PLA2G6: variants seen among roughly 807,000 people sequenced by gnomAD.
PLA2G6 encodes 85/88 kDa calcium-independent phospholipase A2.
A neutral mutation model predicts 83.8 loss-of-function variants in PLA2G6; 62 were observed. That is an observed-to-expected ratio of 0.74 (90% CI 0.60 to 0.91). PLA2G6 has a LOEUF of 0.91. Among genes scored for constraint, PLA2G6 ranks in the 40% least tolerant of loss-of-function variants. PLA2G6 has a pLI of 0.00. For synonymous variants in PLA2G6, 417 were observed against 449.8 expected (o/e 0.93, Z 0.92); for missense variants, 944 against 1,102.0 (o/e 0.86, Z 2.03).
At chr22:38,169,601 G>A (rs192955375) in intron 1 of PLA2G6, 130 bp from the exon 2 acceptor site, 2 of 653,062 alleles carry the variant, frequency 3.1e-6, no homozygotes, top group Non-Finnish European at 5.5e-6. Flanking sequence ...TGGGCCTGGA[G>A]GGATCTTAAA....
intron 2 of PLA2G6, 51 bp downstream of exon 2, chr22:38,169,167 G>A: frequency 7.1e-7 from 1 of 1,405,760 alleles, no homozygotes; most frequent in Non-Finnish European, 1.0e-6. Context: ...TCCAATCCGA[G>A]ACGTGGGGGA....
In PLA2G6 at chr22:38,139,321, AAG is replaced by A. The variant is rs2088742803; in HGVS notation, c.797+659_797+660del. Reference sequence around the variant, plus strand: ...GAGCACCACCTGGAGGGGAGCTGGAAAGAGGAGACCCCAAAGAGGGCTAAGAT... The same window carrying A: ...GAGCACCACCTGGAGGGGAGCTGGAAAGGAGACCCCAAAGAGGGCTAAGAT... On this transcript the variant is annotated intron_variant, in intron 5 of 16. Transcript: ENST00000332509. 3.3e-5 allele frequency: 5 copies of A among 152,348 alleles called. No homozygotes were observed. The South Asian group carries it at 1.0e-3, about 32-fold the overall frequency. The allele number at this position is 152,348 out of a possible 1,614,324, so 9.4% of individuals were successfully genotyped here. A position where few individuals can be genotyped will look rare whatever the true frequency, so the allele number is the denominator to read the frequency against.
chr22:38,116,394 T>G (rs1184926658), intron 12 of PLA2G6, 183 bp from the exon 13 acceptor site: 1 of 765,814 alleles, frequency 1.3e-6, no homozygotes, highest in East Asian at 2.7e-5. Flanking sequence ...GCTGGAGGAG[T>G]GTCAGATTGG....
intron 1 of PLA2G6, among the ~76,000 whole-genome samples, chr22:38,177,598 G>A (rs1384791068): frequency 1.3e-5 from 2 of 151,810 alleles, no homozygotes; most frequent in Non-Finnish European, 2.9e-5. Context: ...GACTAGCTGG[G>A]ATTACAGGCG....
chr22:38,113,209 G>A (rs963029456), intron 15 of PLA2G6, among the ~76,000 whole-genome samples: 1 of 152,148 alleles, frequency 6.6e-6, no homozygotes, highest in African/African-American at 2.4e-5. Flanking sequence ...CCGCTCTGGA[G>A]CCTTTGTCCA....
chr22:38,170,900 G>A (rs144737600), intron 1 of PLA2G6, among the ~76,000 whole-genome samples: 5 of 152,342 alleles, frequency 3.3e-5, no homozygotes, highest in African/African-American at 9.6e-5. Context: ...ACAAGGCACG[G>A]TGGTTCACGC....
Position 38,116,224 on chromosome 22 carries a change from G to A in PLA2G6, c.1743-13C>T. ...TGTCAGCATCACCCTGGAGAGAAAT[G>A]AGGCAGGAGGACGGCTGAGCCACCC... is the stretch of plus-strand genomic sequence containing the variant. On this transcript the variant is annotated splice_polypyrimidine_tract_variant and intron_variant, in intron 12 of 16. Coordinates refer to ENST00000332509, the MANE Select transcript of PLA2G6 (RefSeq NM_003560.4). 1 of 1,613,882 alleles carries A rather than the reference G, an allele frequency of 6.2e-7. No individual in the cohort carries two copies. Among genetic ancestry groups the A allele is most frequent in the Non-Finnish European group, 8.5e-7 (1 of 1,179,922 alleles).
At position 38,128,815 on chromosome 22, in the gene PLA2G6, A is replaced by C. The variant is rs916991927; in HGVS notation, c.1187-385T>G. Among the ~76,000 whole-genome samples, 3 of 152,178 alleles carry C rather than the reference A, an allele frequency of 2.0e-5. No individual in the cohort carries two copies. Among genetic ancestry groups the C allele is most frequent in the Non-Finnish European group, 4.4e-5 (3 of 68,030 alleles). On this transcript the variant is annotated intron_variant, in intron 8 of 16. Transcript: ENST00000332509. This position sits in a 1 kb window ranked among gnomAD's most constrained non-coding sequence, Gnocchi z 4.4. ...CTAATGAGCCAGCCAGGGGGCACCT[A>C]CTCCATTTGATGGATGGGATTGCTG...
intron 2 of PLA2G6, among the ~76,000 whole-genome samples, chr22:38,152,992 G>A (rs533743660): frequency 3.5e-4 from 53 of 152,332 alleles, no homozygotes; most frequent in African/African-American, 1.3e-3. Context: ...AAGCACATAG[G>A]TGTTGCCCAG....
intron 1 of PLA2G6, among the ~76,000 whole-genome samples, chr22:38,170,837 C>T (rs1301454105): frequency 6.6e-6 from 1 of 152,028 alleles, no homozygotes; most frequent in East Asian, 1.9e-4. Flanking sequence ...AAGCAAGGGG[C>T]CCACTAAGAG....
In PLA2G6 at chr22:38,111,728, C is replaced by T. The variant is rs768637948; in HGVS notation, c.*433G>A. On this transcript the variant is annotated 3_prime_UTR_variant, in exon 17 of 17. Transcript: ENST00000332509. ...TTCTTTAGTCCCAGCCCCCAGGGAACGGAGCAGAGGGCAGAGGGAGTGGGC... is the reference window on the plus strand; with the variant it reads ...TTCTTTAGTCCCAGCCCCCAGGGAATGGAGCAGAGGGCAGAGGGAGTGGGC... 3.8e-5 allele frequency: 10 copies of T among 262,196 alleles called. No individual in the cohort carries two copies. The highest frequency in any genetic ancestry group is 8.9e-5 in the African/African-American group (4 of 44,918). The allele number at this position is 262,196 out of a possible 1,614,324, so 16.2% of individuals were successfully genotyped here. A position where few individuals can be genotyped will look rare whatever the true frequency, so the allele number is the denominator to read the frequency against.
rs945164394 is a variant in PLA2G6, at chr22:38,119,774, A to G, written c.1742+985T>C. On this transcript the variant is annotated intron_variant, in intron 12 of 16. Transcript: ENST00000332509. ...GCTGCAGTAAGCCGTGTTCACAGCA[A>G]TATACTCCAGCATGGGCCCCACAGC... 7.9e-5 allele frequency among the ~76,000 whole-genome samples: 12 copies of G among 152,258 alleles called. No individual in the cohort carries two copies. The East Asian group carries it at 1.7e-3, about 22-fold the overall frequency.
intron 4 of PLA2G6, 144 bp from the exon 5 acceptor site, chr22:38,140,313 G>A: frequency 1.4e-6 from 1 of 713,942 alleles, no homozygotes; most frequent in South Asian, 1.5e-5. Flanking sequence ...TTTGAGACCA[G>A]CCTGGCCAAC....
At position 38,169,240 on chromosome 22, in the gene PLA2G6, TG is replaced by T; in HGVS notation, c.186del (p.Arg63GlyfsTer19). ...NRTWDCVLVNPRNSQSGFRLF... is the reference protein window; with the variant it reads ...NRTWDCVLVNXRNSQSGFRLF... Reference sequence around the variant, plus strand: ...CACCGGAATCCACTCTGTGAGTTCCTGGGGTTGACCAGGACGCAGTCCCAGG... The same window carrying T: ...CACCGGAATCCACTCTGTGAGTTCCTGGGTTGACCAGGACGCAGTCCCAGG... On this transcript the variant is annotated frameshift_variant, in exon 2 of 17. Transcript: ENST00000332509. LOFTEE classifies it high-confidence loss of function. The T allele has an allele frequency of 6.2e-7, 1 of 1,614,052 alleles. No individual in the cohort carries two copies. The highest frequency in any genetic ancestry group is 8.5e-7 in the Non-Finnish European group (1 of 1,179,934).
chr22:38,171,333 G>A (rs132999), intron 1 of PLA2G6, among the ~76,000 whole-genome samples: 16,910 of 152,014 alleles, frequency 0.11, 1,105 homozygotes, highest in African/African-American at 0.16. Flanking sequence ...CTTGGTTCTC[G>A]TGGTTCTCAG....
At position 38,112,153 on chromosome 22, in the gene PLA2G6, G is replaced by A; in HGVS notation, c.*8C>T. 1 of 1,575,594 alleles carries A rather than the reference G, an allele frequency of 6.3e-7. No individual in the cohort carries two copies. On this transcript the variant is annotated 3_prime_UTR_variant, in exon 17 of 17. Coordinates refer to ENST00000332509, the MANE Select transcript of PLA2G6 (RefSeq NM_003560.4). ...GGTCAGCTGGGGCCGGTGAGAGGCT[G>A]GGGACCCTCAGGGTGAGAGCAGCAG...
At chr22:38,181,192 T>G (rs1318375981) in intron 1 of PLA2G6, among the ~76,000 whole-genome samples, 2 of 151,580 alleles carry the variant, frequency 1.3e-5, no homozygotes, top group African/African-American at 4.9e-5. Flanking sequence ...TGGGAGACTC[T>G]GGGGTGGCCA....
At chr22:38,129,594 A>G (rs774582699) in intron 7 of PLA2G6, 32 bp from the exon 8 acceptor site, 1 of 1,540,946 alleles carries the variant, frequency 6.5e-7, no homozygotes, top group Non-Finnish European at 9.0e-7. Context: ...TAAGACGTGC[A>G]ACTGCCGGGG....
At position 38,169,385 on chromosome 22, in the gene PLA2G6, G is replaced by A. The variant is rs2090348154; in HGVS notation, c.42C>T (p.Val14=). ...GGAATGGGTTAGAGAACAAGTTGGT[G>A]ACGCCACTGAAGGTATTGACCAGGC... ...FGRLVNTFSG[V]TNLFSNPFRV... The change falls in exon 2 of 17, where the codon GTC becomes GTT. Residue 14 remains valine (V), a synonymous_variant. Transcript: ENST00000332509. The A allele has an allele frequency of 6.2e-7, 1 of 1,614,112 alleles. No homozygotes were observed. The highest frequency in any genetic ancestry group is 8.5e-7 in the Non-Finnish European group (1 of 1,180,050).
Sources: gnomAD v4.1 joint callset for allele counts (sites outside exome capture counted in the v4.1 genomes callset) on GRCh38, gnomAD v4.1.1 for gene constraint, Gnocchi (gnomAD v3.1) non-coding constraint, MANE v1.5 for transcripts, NCBI Gene and HGNC (gene_info 2026-07-23, HGNC 2026-07-21) for gene names.